Variants in BACH2 observed in about 807,000 individuals in gnomAD.
BACH2 encodes transcription regulator protein BACH2.
BACH2 carries 5 observed loss-of-function variants against 61.8 expected under a neutral mutation model. That is an observed-to-expected ratio of 0.08 (90% CI 0.04 to 0.17). The LOEUF (loss-of-function observed/expected upper bound fraction) is 0.17, where lower values mean the gene tolerates loss of function less well. Ranked by LOEUF, BACH2 falls within the 10% of genes least tolerant of loss-of-function variation. BACH2 has a pLI of 1.00. For missense variants in BACH2, 824 were observed against 1,091.1 expected (o/e 0.76, Z 3.45); for synonymous variants, 446 against 440.1 (o/e 1.01, Z -0.17).
At chr6:90,115,998 A>G (rs956385065) in intron 4 of BACH2, among the ~76,000 whole-genome samples, 6 of 152,174 alleles carry the variant, frequency 3.9e-5, no homozygotes. Flanking sequence ...TTGTTATTAA[A>G]AAGTCAATAA....
intron 5 of BACH2, among the ~76,000 whole-genome samples, chr6:90,017,169 G>T (rs867275767): frequency 1.3e-5 from 2 of 151,796 alleles, no homozygotes; most frequent in South Asian, 4.1e-4. Context: ...CATTTGTCCC[G>T]TCGCTCACAA....
intron 5 of BACH2, among the ~76,000 whole-genome samples, chr6:90,044,197 G>A (rs1159538157): frequency 2.0e-5 from 3 of 152,226 alleles, no homozygotes; most frequent in African/African-American, 7.2e-5. Flanking sequence ...GGCAGGGCAA[G>A]AGCAGTGAAG....
At chr6:89,968,190 C>A (rs1207914351) in intron 6 of BACH2, among the ~76,000 whole-genome samples, 1 of 152,202 alleles carries the variant, frequency 6.6e-6, no homozygotes, top group Non-Finnish European at 1.5e-5. Flanking sequence ...ATGAAAGGGC[C>A]AGGGGAAACC....
chr6:90,283,208 T>A (rs937382724), intron 1 of BACH2, among the ~76,000 whole-genome samples: 1 of 152,186 alleles, frequency 6.6e-6, no homozygotes, highest in African/African-American at 2.4e-5. Flanking sequence ...TCTTTTTGGT[T>A]ATCTGGCTTT....
Position 89,932,672 on chromosome 6 carries a change from G to T in BACH2, c.2262C>A (p.Asn754Lys). 1 of 1,614,170 alleles carries T rather than the reference G, an allele frequency of 6.2e-7. No individual in the cohort carries two copies. Among genetic ancestry groups the T allele is most frequent in the Non-Finnish European group, 8.5e-7 (1 of 1,180,026 alleles). Residue 754 changes from asparagine (N) to lysine (K), a missense_variant, in exon 9 of 9, where the codon AAC (asparagine) becomes AAA (lysine). Physicochemically the swap from Asn to Lys is moderately conservative, Grantham distance 94. This residue lies in a region of BACH2 where 135 missense variants were observed against 142.7 expected (regional missense o/e 0.95). Coordinates refer to ENST00000257749, the MANE Select transcript of BACH2 (RefSeq NM_021813.4). ...INPAPLGAEQ[N>K]IAASQCAVGE... ...CCACTGCGCATTGGGAGGCCGCAAT[G>T]TTCTGCTCAGCACCCAAGGGCGCAG...
intron 4 of BACH2, among the ~76,000 whole-genome samples, chr6:90,100,702 G>GACACACACATACACACACAC (rs1190617375): frequency 1.7e-4 from 11 of 64,250 alleles, no homozygotes; most frequent in South Asian, 5.4e-4. Flanking sequence ...CACACACACA[G>GACACACACATACACACACAC]ACACACACAC....
chr6:90,067,076 C>T (rs1781001191), intron 5 of BACH2, among the ~76,000 whole-genome samples: 1 of 152,206 alleles, frequency 6.6e-6, no homozygotes, highest in Admixed American at 6.5e-5. Context: ...ATGGTATAAT[C>T]TGAGTGCTGT....
intron 6 of BACH2, among the ~76,000 whole-genome samples, chr6:89,993,014 C>T (rs1776662597): frequency 6.6e-6 from 1 of 151,984 alleles, no homozygotes; most frequent in Admixed American, 6.5e-5. Context: ...GACACCAGAG[C>T]ACTGTCCACA....
intron 4 of BACH2, among the ~76,000 whole-genome samples, chr6:90,112,881 T>G (rs553613217): frequency 6.6e-6 from 1 of 152,128 alleles, no homozygotes; most frequent in African/African-American, 2.4e-5. Context: ...ATGACACTCA[T>G]AGGCTCAAAA....
chr6:90,246,412 C>T (rs535515874), intron 3 of BACH2, among the ~76,000 whole-genome samples: 6 of 152,280 alleles, frequency 3.9e-5, no homozygotes, highest in Non-Finnish European at 8.8e-5. Context: ...ACCTCAGGCT[C>T]ATCCTTCAAT....
intron 1 of BACH2, among the ~76,000 whole-genome samples, chr6:90,280,441 G>A (rs1771824131): frequency 6.6e-6 from 1 of 152,112 alleles, no homozygotes; most frequent in African/African-American, 2.4e-5. Context: ...TACTTACATG[G>A]TTCTGTGGAC....
intron 5 of BACH2, among the ~76,000 whole-genome samples, chr6:90,058,157 C>A (rs1780472726): frequency 6.6e-6 from 1 of 152,128 alleles, no homozygotes; most frequent in Non-Finnish European, 1.5e-5. Context: ...AAAGGGTATT[C>A]AATTAGGAAA....
At chr6:90,035,229 A>G (rs1779204715) in intron 5 of BACH2, among the ~76,000 whole-genome samples, 1 of 152,098 alleles carries the variant, frequency 6.6e-6, no homozygotes. Context: ...TCTTGCCTTT[A>G]AGTTCTATTA....
chr6:90,106,951 C>G (rs533283204), intron 4 of BACH2, among the ~76,000 whole-genome samples: 1 of 152,230 alleles, frequency 6.6e-6, no homozygotes, highest in African/African-American at 2.4e-5. Context: ...CAAGTCTTCT[C>G]GCTGGATAGT....
intron 4 of BACH2, among the ~76,000 whole-genome samples, chr6:90,099,627 T>C (rs1167745037): frequency 6.6e-6 from 1 of 152,156 alleles, no homozygotes; most frequent in East Asian, 1.9e-4. Flanking sequence ...ATCTAGTAAA[T>C]GGTGATGATC....
intron 3 of BACH2, among the ~76,000 whole-genome samples, chr6:90,215,551 G>A (rs1769505314): frequency 6.6e-6 from 1 of 152,112 alleles, no homozygotes; most frequent in Admixed American, 6.6e-5. Context: ...ACTTTTTGGG[G>A]TGGGTGGTCA....
chr6:90,034,246 G>A (rs4141551), intron 5 of BACH2, among the ~76,000 whole-genome samples: 60,060 of 152,024 alleles, frequency 0.4, 13,287 homozygotes, highest in East Asian at 0.82. Flanking sequence ...ACAATTGACC[G>A]TATTTGAAAT....
intron 5 of BACH2, among the ~76,000 whole-genome samples, chr6:90,083,187 A>G (rs1781793632): frequency 1.3e-5 from 2 of 152,190 alleles, no homozygotes; most frequent in South Asian, 4.1e-4. Flanking sequence ...CACTAGTGAC[A>G]GGTGCATCCA....
Position 90,008,707 on chromosome 6 carries a change from C to T in BACH2, c.138G>A (p.Lys46=), listed in dbSNP as rs753759917. The change falls in exon 6 of 9, where the codon AAG becomes AAA. Residue 46 remains lysine, a synonymous_variant. Transcript: ENST00000257749. This position sits in a 1 kb window ranked among gnomAD's most constrained non-coding sequence, Gnocchi z 4.1. ...LCDVTLIVER[K]EFRAHRAVLA... ...GCACAGCCCGGTGGGCCCGGAACTC[C>T]TTCCTCTCCACGATCAAAGTCACGT... is the stretch of plus-strand genomic sequence containing the variant. 6.2e-7 allele frequency: 1 copy of T among 1,614,152 alleles called. No individual in the cohort carries two copies.
Sources: gnomAD v4.1 joint callset for allele counts (sites outside exome capture counted in the v4.1 genomes callset) on GRCh38, gnomAD v4.1.1 for gene constraint, gnomAD v4.1.1 regional missense constraint, Gnocchi (gnomAD v3.1) non-coding constraint, MANE v1.5 for transcripts, NCBI Gene and HGNC (gene_info 2026-07-23, HGNC 2026-07-21) for gene names.